Variants in ZNF337 observed in about 807,000 individuals in gnomAD.
ZNF337 encodes the protein zinc finger protein 337.
ZNF337 carries 8 observed loss-of-function variants against 12.1 expected under a neutral mutation model. The observed-to-expected ratio is 0.66, with a 90% CI of 0.39 to 1.19. The LOEUF (loss-of-function observed/expected upper bound fraction) is 1.19, where lower values mean the gene tolerates loss of function less well. Among genes scored for constraint, ZNF337 ranks in the 50% most tolerant of loss-of-function variants. ZNF337 has a pLI of 0.01. For missense variants in ZNF337, 882 were observed against 896.6 expected (o/e 0.98, Z 0.21); for synonymous variants, 336 against 320.0 (o/e 1.05, Z -0.53).
Position 25,677,011 on chromosome 20 carries a change from G to C in ZNF337, c.277C>G (p.Pro93Ala), listed in dbSNP as rs945455324. 4.3e-6 allele frequency: 7 copies of C among 1,612,386 alleles called. No homozygotes were observed. Among genetic ancestry groups the C allele is most frequent in the African/African-American group, 1.3e-5 (1 of 74,918 alleles). ...TGATGTGCAAGTCCAAGATTCTTGG[G>C]CCGCAGGACATGTTCTGCATATATT... The part of the protein sequence containing the change: ...AGIYAEHVLR[P>A]KNLGLAHQRQ... Residue 93 changes from proline (P) to alanine (A), a missense_variant, in exon 5 of 5, where the codon CCC (proline) becomes GCC (alanine). Coordinates refer to ENST00000252979, the MANE Select transcript of ZNF337 (RefSeq NM_015655.4).
rs1200588162 is a variant in ZNF337, at chr20:25,673,203, A to C, written c.*1829T>G. Among the ~76,000 whole-genome samples, 1 of 152,218 alleles carries C rather than the reference A, an allele frequency of 6.6e-6. No individual in the cohort carries two copies. The highest frequency in any genetic ancestry group is 1.9e-4 in the East Asian group (1 of 5,202). On this transcript the variant is annotated 3_prime_UTR_variant, in exon 5 of 5. Coordinates refer to ENST00000252979, the MANE Select transcript of ZNF337 (RefSeq NM_015655.4). ...TCAGTGTCCCAGATCACTCAGATGTAAATGTGTTTAATATGGAAGAGGAGC... is the reference window on the plus strand; with the variant it reads ...TCAGTGTCCCAGATCACTCAGATGTCAATGTGTTTAATATGGAAGAGGAGC...
rs2065937573 is a variant in ZNF337 at position 25,696,805 on chromosome 20, A to C, written c.-96T>G. 2.0e-6 allele frequency: 2 copies of C among 985,370 alleles called. No individual in the cohort carries two copies. Among genetic ancestry groups the C allele is most frequent in the African/African-American group, 1.7e-5 (1 of 57,240 alleles). 61.0% of individuals were successfully genotyped at this position (985,370 alleles called of 1,614,324 possible). A position where few individuals can be genotyped will look rare whatever the true frequency, so the allele number is the denominator to read the frequency against. ...GAGGCGGTGAGGTCACCGATGGTGGACCACGCATCTCACGGCTCGCTGACG... is the reference window on the plus strand; with the variant it reads ...GAGGCGGTGAGGTCACCGATGGTGGCCCACGCATCTCACGGCTCGCTGACG... On this transcript the variant is annotated 5_prime_UTR_variant, in exon 1 of 5. Coordinates refer to ENST00000252979, the MANE Select transcript of ZNF337 (RefSeq NM_015655.4).
At chr20:25,693,238 G>A (rs1456870677) in intron 1 of ZNF337, among the ~76,000 whole-genome samples, 1 of 152,128 alleles carries the variant, frequency 6.6e-6, no homozygotes, top group East Asian at 1.9e-4. Flanking sequence ...CACCATGCCT[G>A]GCTAATTTCT....
chr20:25,678,703 TGAGA>T (rs1347906315), intron 4 of ZNF337, among the ~76,000 whole-genome samples: 1 of 152,096 alleles, frequency 6.6e-6, no homozygotes, highest in African/African-American at 2.4e-5. Context: ...CCCAGTGCTC[TGAGA>T]GACTGTGGCA....
intron 1 of ZNF337, among the ~76,000 whole-genome samples, chr20:25,695,900 G>A (rs1328368862): frequency 6.6e-6 from 1 of 152,030 alleles, no homozygotes; most frequent in Admixed American, 6.5e-5. Flanking sequence ...GACCATCTCG[G>A]GCACTTTCAC....
rs1201967676 is a variant in ZNF337, at chr20:25,674,999, A to T, written c.*33T>A. On this transcript the variant is annotated 3_prime_UTR_variant, in exon 5 of 5. Coordinates refer to ENST00000252979, the MANE Select transcript of ZNF337 (RefSeq NM_015655.4). ...GTAACAAAGCAAAGTTACTCTCCTG[A>T]GTGTGTCCTCTGATGGATGGTGAGA... The T allele has an allele frequency of 2.5e-6, 4 of 1,584,860 alleles. No individual in the cohort carries two copies. The highest frequency in any genetic ancestry group is 1.7e-5 in the Admixed American group (1 of 58,568).
rs536317038 is a variant in ZNF337, at chr20:25,689,290, C to T, written c.-49-2824G>A. ...CTGCACTCCAGCCTGGGCAACAGAG[C>T]AAGACTCCGCATCAAGAAAAAAAAA... On this transcript the variant is annotated intron_variant, in intron 1 of 4. Transcript: ENST00000252979. Among the ~76,000 whole-genome samples, 4 of 152,022 alleles carry T rather than the reference C, an allele frequency of 2.6e-5. No homozygotes were observed. The East Asian group carries it at 7.7e-4, about 29-fold the overall frequency.
At chr20:25,696,389 C>T (rs1569019897) in intron 1 of ZNF337, among the ~76,000 whole-genome samples, 1 of 152,142 alleles carries the variant, frequency 6.6e-6, no homozygotes, top group Non-Finnish European at 1.5e-5. Context: ...GGCCAAAAGA[C>T]CCCCGTGGCA....
Position 25,675,371 on chromosome 20 carries a change from C to T in ZNF337, c.1917G>A (p.Trp639Ter). 6.2e-7 allele frequency: 1 copy of T among 1,613,236 alleles called. No homozygotes were observed. The highest frequency in any genetic ancestry group is 1.1e-5 in the South Asian group (1 of 90,986). Residue 639 changes from tryptophan (W) to a stop codon, truncating the protein, a stop_gained, in exon 5 of 5, where the codon TGG (tryptophan) becomes TGA (stop). Transcript: ENST00000252979. LOFTEE classifies it low-confidence loss of function (END_TRUNC). ...TCTGGTGTGTGAGGAGATTTCCCTT[C>T]CAGTTGAAGCCTCGCCCACACTCCT... The part of the protein sequence containing the change: ...VCKECGRGFN[W>*]KGNLLTHQRT...
chr20:25,687,262 C>T (rs2065842673), intron 1 of ZNF337, among the ~76,000 whole-genome samples: 1 of 152,070 alleles, frequency 6.6e-6, no homozygotes, highest in Admixed American at 6.5e-5. Context: ...TTACTGGCCA[C>T]ACTTCATAAT....
chr20:25,692,052 T>G (rs1170132088), intron 1 of ZNF337, among the ~76,000 whole-genome samples: 1 of 152,050 alleles, frequency 6.6e-6, no homozygotes, highest in East Asian at 1.9e-4. Context: ...AAGGAAAGAA[T>G]GAACAAGCCT....
intron 4 of ZNF337, among the ~76,000 whole-genome samples, chr20:25,681,798 A>G (rs757854052): frequency 2.0e-5 from 3 of 152,210 alleles, no homozygotes; most frequent in Non-Finnish European, 4.4e-5. Flanking sequence ...TAAATCCTAA[A>G]AAGAACCACA....
chr20:25,695,830 T>A (rs1009659465), intron 1 of ZNF337, among the ~76,000 whole-genome samples: 3 of 152,154 alleles, frequency 2.0e-5, no homozygotes, highest in African/African-American at 7.2e-5. Context: ...CTCAGCCTGA[T>A]TTATGACTTT....
chr20:25,676,456 A>G lies in ZNF337; in HGVS notation c.832T>C (p.Tyr278His). 6.2e-7 allele frequency: 1 copy of G among 1,611,604 alleles called. No individual in the cohort carries two copies. Among genetic ancestry groups the G allele is most frequent in the Non-Finnish European group, 8.5e-7 (1 of 1,179,340 alleles). Residue 278 changes from tyrosine to histidine, a missense_variant, in exon 5 of 5, where the codon TAC becomes CAC. By Grantham distance (83) the Tyr-to-His change is moderately conservative. Coordinates refer to ENST00000252979, the MANE Select transcript of ZNF337 (RefSeq NM_015655.4). ...TGTGTTCTCTCATGCACAGTGAGGT[A>G]TGACTTACTGGTATAGCCTCGTCCA... The part of the protein sequence containing the change: ...VCGRGYTSKS[Y>H]LTVHERTHTG...
rs373132665 is a variant in ZNF337 at position 25,686,377 on chromosome 20, C to T, written c.27+14G>A. 6.2e-7 allele frequency: 1 copy of T among 1,611,450 alleles called. No homozygotes were observed. Among genetic ancestry groups the T allele is most frequent in the South Asian group, 1.1e-5 (1 of 91,020 alleles). ...TCCTGTGACAGCAAGAACGACAGTT[C>T]TGGGAAGTCTCACCTGTCTCCTGGC... On this transcript the variant is annotated intron_variant, in intron 2 of 4. Coordinates refer to ENST00000252979, the MANE Select transcript of ZNF337 (RefSeq NM_015655.4).
chr20:25,690,563 G>C (rs1210069964), intron 1 of ZNF337, among the ~76,000 whole-genome samples: 1 of 152,148 alleles, frequency 6.6e-6, no homozygotes, highest in African/African-American at 2.4e-5. Context: ...CTGTTTTGAG[G>C]ATCTCACACC....
rs202202879 is a variant in ZNF337, at chr20:25,685,978, G to A, written c.154+18C>T. Reference sequence around the variant, plus strand: ...GCACCACAGGCCAAATGTTAGGCTCGAGGGAAGCCACGCTTACCTAGTGAG... The same window carrying A: ...GCACCACAGGCCAAATGTTAGGCTCAAGGGAAGCCACGCTTACCTAGTGAG... On this transcript the variant is annotated intron_variant, in intron 3 of 4. Coordinates refer to ENST00000252979, the MANE Select transcript of ZNF337 (RefSeq NM_015655.4). The A allele has an allele frequency of 1.3e-4, 207 of 1,601,250 alleles. 1 individual carries two copies. The East Asian group carries it at 3.7e-3, about 29-fold the overall frequency.
At chr20:25,693,859 G>A (rs960303786) in intron 1 of ZNF337, among the ~76,000 whole-genome samples, 7 of 152,204 alleles carry the variant, frequency 4.6e-5, no homozygotes, top group African/African-American at 1.7e-4. Context: ...TGGGAGTGGA[G>A]GAAGAGGAGC....
intron 1 of ZNF337, among the ~76,000 whole-genome samples, chr20:25,689,762 A>C (rs901065770): frequency 1.9e-4 from 29 of 152,248 alleles, no homozygotes; most frequent in African/African-American, 6.8e-4. Flanking sequence ...AAAATGATCA[A>C]ATCTGGATGA....
Sources: gnomAD v4.1 joint callset for allele counts (sites outside exome capture counted in the v4.1 genomes callset) on GRCh38, gnomAD v4.1.1 for gene constraint, MANE v1.5 for transcripts, NCBI Gene and HGNC (gene_info 2026-07-23, HGNC 2026-07-21) for gene names.